The following BRME1 variants were observed in gnomAD, a reference collection of about 807,000 sequenced individuals.
BRME1 encodes break repair meiotic recombinase recruitment factor 1, also known as BRCA2 and MEILB2-associating protein 1.
Under a neutral mutation model 52.6 loss-of-function variants are expected in BRME1, and 31 were observed. The ratio of observed to expected loss-of-function variants is 0.59; its 90% CI spans 0.44 to 0.80. BRME1 has a LOEUF of 0.80. BRME1 is among the 30% of genes least tolerant of loss of function. BRME1 has a pLI of 0.00. For missense variants in BRME1, 804 were observed against 860.3 expected (o/e 0.93, Z 0.82); for synonymous variants, 359 against 353.6 (o/e 1.02, Z -0.17).
At chr19:13,898,699 G>C (rs1034533762) in intron 2 of BRME1, among the ~76,000 whole-genome samples, 8 of 151,902 alleles carry the variant, frequency 5.3e-5, no homozygotes, top group African/African-American at 1.9e-4. Context: ...TGAGGCGGGC[G>C]GATCCCCTGA....
intron 3 of BRME1, among the ~76,000 whole-genome samples, chr19:13,894,299 C>A (rs191405442): frequency 6.6e-6 from 1 of 152,178 alleles, no homozygotes; most frequent in South Asian, 2.1e-4. Context: ...CCGAGGCGGG[C>A]GGATCACCTT....
rs373257915 is a variant in BRME1 at position 13,893,134 on chromosome 19, G to A, written c.288+8C>T. The stretch of plus-strand genomic sequence containing the variant: ...TTCTATATCCACGAGGCCACAGGAC[G>A]AGCTCACCTGGGAAGGAGGAAGGGG... On this transcript the variant is annotated splice_region_variant and intron_variant, in intron 4 of 8. Transcript: ENST00000586783. The A allele has an allele frequency of 3.2e-5, 51 of 1,593,462 alleles. No homozygotes were observed. Among genetic ancestry groups the A allele is most frequent in the Admixed American group, 1.2e-4 (7 of 56,124 alleles).
chr19:13,898,483 A>C (rs1970059241), intron 2 of BRME1, among the ~76,000 whole-genome samples: 1 of 151,934 alleles, frequency 6.6e-6, no homozygotes, highest in Non-Finnish European at 1.5e-5. Flanking sequence ...GGTGGCATGC[A>C]CCTGTAGTCT....
intron 6 of BRME1, among the ~76,000 whole-genome samples, chr19:13,886,906 T>G (rs1969070935): frequency 6.6e-6 from 1 of 152,008 alleles, no homozygotes. Context: ...AGGTTGAGGC[T>G]GCAGTGAGCT....
chr19:13,889,033 G>C, intron 6 of BRME1, among the ~76,000 whole-genome samples, 155 bp downstream of exon 6: 1 of 152,180 alleles, frequency 6.6e-6, no homozygotes, highest in Admixed American at 6.5e-5. Context: ...ACACCCAGTA[G>C]AGCTGCAACT....
intron 7 of BRME1, 143 bp downstream of exon 7, chr19:13,885,818 A>G (rs1968971404): frequency 2.2e-5 from 15 of 672,376 alleles, no homozygotes; most frequent in Middle Eastern, 3.2e-4. Context: ...ATACAGTTTG[A>G]AAGACAGGGC....
chr19:13,884,899 A>C (rs1968891064), intron 7 of BRME1: 1 of 152,394 alleles, frequency 6.6e-6, no homozygotes, highest in Admixed American at 6.5e-5. Context: ...TTCAGCCTCA[A>C]GCCACCAAAC....
At chr19:13,891,135 T>G (rs1969460750) in intron 5 of BRME1, among the ~76,000 whole-genome samples, 1 of 146,634 alleles carries the variant, frequency 6.8e-6, no homozygotes, top group Non-Finnish European at 1.5e-5. Context: ...CAATTTCCTG[T>G]TTATTATTAT....
chr19:13,886,796 CA>C (rs61412091), intron 6 of BRME1, among the ~76,000 whole-genome samples: 147 of 85,142 alleles, frequency 1.7e-3, no homozygotes, highest in Middle Eastern at 7.0e-3. Context: ...CCTGTCTGTA[CA>C]AAAAAAAAAA....
chr19:13,905,023 G>T (rs1970581777), intron 1 of BRME1, 110 bp from the exon 2 acceptor site: 2 of 846,898 alleles, frequency 2.4e-6, no homozygotes, highest in South Asian at 3.0e-5. Context: ...CAGCCCATTT[G>T]GCTGCCCCAG....
Position 13,896,609 on chromosome 19 carries a change from T to TATACATATGTATTTATAC in BRME1, c.32-1081_32-1064dup, listed in dbSNP as rs879686726. Among the ~76,000 whole-genome samples the TATACATATGTATTTATAC allele has an allele frequency of 7.3e-3, 1,080 of 147,748 alleles. 14 individuals carry two copies. The highest frequency in any genetic ancestry group is 0.025 in the African/African-American group (1,014 of 40,554). On this transcript the variant is annotated intron_variant, in intron 2 of 8. Transcript: ENST00000586783. The stretch of plus-strand genomic sequence containing the variant: ...AGCCAAATATGTAAATATATATATT[T>TATACATATGTATTTATAC]ATACATATGTATTTATACATACATA...
Position 13,889,984 on chromosome 19 carries a change from C to T in BRME1, c.872G>A (p.Gly291Glu). ...ASAPTSGPAP[G>E]LGPASWCLEP... Reference sequence around the variant, plus strand: ...CAGGCACCAAGAGGCAGGGCCCAGTCCTGGAGCAGGGCCTGAGGTAGGAGC... The same window carrying T: ...CAGGCACCAAGAGGCAGGGCCCAGTTCTGGAGCAGGGCCTGAGGTAGGAGC... Residue 291 changes from glycine (G) to glutamate (E), a missense_variant, in exon 6 of 9, where the codon GGA becomes GAA. Physicochemically the swap from Gly to Glu is moderately conservative, Grantham distance 98 (BLOSUM62 -2). Transcript: ENST00000586783. 4.3e-6 allele frequency: 7 copies of T among 1,612,888 alleles called. No homozygotes were observed. Among genetic ancestry groups the T allele is most frequent in the Non-Finnish European group, 5.9e-6 (7 of 1,179,968 alleles).
rs1031464238 is a variant in BRME1, at chr19:13,889,248, C to T, written c.1608G>A (p.Leu536=). Residue 536 remains leucine, a synonymous_variant, in exon 6 of 9, where the codon CTG becomes CTA. Coordinates refer to ENST00000586783, the MANE Select transcript of BRME1 (RefSeq NM_001345843.2). ...GGGCATCCTGTATCTGGCTGTCCAG[C>T]AGGAAGTCGAGTTCCACAGCTAAAG... ...ADSLAVELDF[L]LDSQIQDALD... 3 of 1,613,418 alleles carry T rather than the reference C, an allele frequency of 1.9e-6. No individual in the cohort carries two copies. Among genetic ancestry groups the T allele is most frequent in the Non-Finnish European group, 2.5e-6 (3 of 1,179,716 alleles).
At chr19:13,886,607 G>A (rs532376770) in intron 6 of BRME1, among the ~76,000 whole-genome samples, 1 of 152,238 alleles carries the variant, frequency 6.6e-6, no homozygotes, top group South Asian at 2.1e-4. Context: ...AGCGTCAATG[G>A]TGGTTTAATT....
chr19:13,886,082 G>A, intron 6 of BRME1, 27 bp from the exon 7 acceptor site: 1 of 1,603,628 alleles, frequency 6.2e-7, no homozygotes, highest in Non-Finnish European at 8.5e-7. Flanking sequence ...AGGTGTGAGT[G>A]GTCGAGGCCT....
At position 13,883,873 on chromosome 19, in the gene BRME1, G is replaced by GGTGGTGT. The variant is rs959700240; in HGVS notation, c.1764-474_1764-473insACACCAC. 1.4e-5 allele frequency among the ~76,000 whole-genome samples: 1 copy of GGTGGTGT among 69,018 alleles called. No homozygotes were observed. The highest frequency in any genetic ancestry group is 3.7e-4 in the African/African-American group (1 of 2,700). The allele number at this position is 69,018 out of a possible 152,430, so 45.3% of individuals were successfully genotyped here. On this transcript the variant is annotated intron_variant, in intron 7 of 8. Transcript: ENST00000586783. This position sits in a 1 kb window ranked among gnomAD's most constrained non-coding sequence, Gnocchi z 4.2. ...TGTTCTTTCCCAAATGTCTCCTCCTGGTGGTGGCTTCCCTGATTCCTCCTT... is the reference window on the plus strand; with the variant it reads ...TGTTCTTTCCCAAATGTCTCCTCCTGGTGGTGTGTGGTGGCTTCCCTGATTCCTCCTT...
At chr19:13,900,920 C>A (rs1398568961) in intron 2 of BRME1, among the ~76,000 whole-genome samples, 1 of 152,088 alleles carries the variant, frequency 6.6e-6, no homozygotes, top group South Asian at 2.1e-4. Flanking sequence ...ATCCATCCAC[C>A]TGCCTCGGCC....
At position 13,888,209 on chromosome 19, in the gene BRME1, ATTT is replaced by A. The variant is rs774420250; in HGVS notation, c.1668+976_1668+978del. Among the ~76,000 whole-genome samples the A allele has an allele frequency of 1.4e-5, 2 of 143,930 alleles. No individual in the cohort carries two copies. The allele number at this position is 143,930 out of a possible 152,430, so 94.4% of individuals were successfully genotyped here. On this transcript the variant is annotated intron_variant, in intron 6 of 8. Transcript: ENST00000586783. The surrounding 1 kb of genome is among the most constrained non-coding windows in gnomAD (Gnocchi z 4.1). The stretch of plus-strand genomic sequence containing the variant: ...TGGGAGCCACTGTGCCTGGCCATGA[ATTT>A]TTTTTTTTTTTTTTAACATCTCAAC...
intron 3 of BRME1, among the ~76,000 whole-genome samples, chr19:13,894,934 G>A (rs964674577): frequency 2.0e-4 from 30 of 152,172 alleles, no homozygotes; most frequent in African/African-American, 6.5e-4. Flanking sequence ...AGGCTGGAGC[G>A]TAGTGGCATG....
Sources: allele counts gnomAD v4.1 joint callset (sites outside exome capture counted in the v4.1 genomes callset), GRCh38; gene constraint gnomAD v4.1.1; non-coding constraint Gnocchi (gnomAD v3.1); transcripts MANE v1.5; gene names NCBI Gene and HGNC (gene_info 2026-07-23, HGNC 2026-07-21).